ZBP1: variants seen among roughly 807,000 people sequenced by gnomAD.
The protein encoded by ZBP1 is Z-DNA binding protein 1, also known as Z-DNA-binding protein 1.
In ZBP1, 42 loss-of-function variants were observed where a neutral mutation model predicts 41.1. The ratio of observed to expected loss-of-function variants is 1.02; its 90% CI spans 0.80 to 1.32. The LOEUF (loss-of-function observed/expected upper bound fraction) is 1.32. ZBP1 is among the 40% of genes most tolerant of loss of function. The probability of loss-of-function intolerance (pLI) is 0.00; values close to 1 mark genes in which losing one functional copy is unlikely to be tolerated. For synonymous variants in ZBP1, 214 were observed against 205.2 expected (o/e 1.04, Z -0.37); for missense variants, 562 against 549.7 (o/e 1.02, Z -0.22).
At position 57,611,717 on chromosome 20, in the gene ZBP1, T is replaced by C. The variant is rs1245117798; in HGVS notation, c.874+10A>G. 9 of 1,603,934 alleles carry C rather than the reference T, an allele frequency of 5.6e-6. No homozygotes were observed. The highest frequency in any genetic ancestry group is 1.7e-5 in the Admixed American group (1 of 58,862). ...GGCAGAGTTGGGTCTGGCCTCTAGA[T>C]CCCAGTTACCTGGGGGGCTGCCAGG... On this transcript the variant is annotated intron_variant, in intron 6 of 7. Transcript: ENST00000371173.
In ZBP1 at chr20:57,613,727, G is replaced by T. The variant is rs1226392470; in HGVS notation, c.503-397C>A. Among the ~76,000 whole-genome samples, 1 of 152,224 alleles carries T rather than the reference G, an allele frequency of 6.6e-6. No homozygotes were observed. The highest frequency in any genetic ancestry group is 2.1e-4 in the South Asian group (1 of 4,834). ...AAACAGCAGCCCATTGGGCCAGATC[G>T]GTCGTGTTTGGCTCCCATGACATTT... is the stretch of plus-strand genomic sequence containing the variant. On this transcript the variant is annotated intron_variant, in intron 4 of 7. Coordinates refer to ENST00000371173, the MANE Select transcript of ZBP1 (RefSeq NM_030776.3). This position sits in a 1 kb window ranked among gnomAD's most constrained non-coding sequence, Gnocchi z 4.5.
chr20:57,610,695 A>G lies in ZBP1; in HGVS notation c.875-328T>C. ...TGCCTGCTTCCCACTGCACTGGAAC[A>G]CTGGCCCCCACTTTTGGTTGAAATC... On this transcript the variant is annotated intron_variant, in intron 6 of 7. Coordinates refer to ENST00000371173, the MANE Select transcript of ZBP1 (RefSeq NM_030776.3). This position sits in a 1 kb window ranked among gnomAD's most constrained non-coding sequence, Gnocchi z 5.5. 5.1e-6 allele frequency: 2 copies of G among 394,712 alleles called. No individual in the cohort carries two copies. The highest frequency in any genetic ancestry group is 5.7e-5 in the South Asian group (2 of 34,844). 24.5% of individuals were successfully genotyped at this position (394,712 alleles called of 1,614,324 possible). A position where few individuals can be genotyped will look rare whatever the true frequency, so the allele number is the denominator to read the frequency against.
Position 57,615,032 on chromosome 20 carries a change from G to T in ZBP1, c.357C>A (p.Asp119Glu), listed in dbSNP as rs375070397. 74 of 1,614,098 alleles carry T rather than the reference G, an allele frequency of 4.6e-5. No individual in the cohort carries two copies. Among genetic ancestry groups the T allele is most frequent in the Admixed American group, 3.3e-5 (2 of 60,006 alleles). Residue 119 changes from aspartate (D) to glutamate (E), a missense_variant, in exon 4 of 8, where the codon GAC becomes GAA. Asp to Glu is a conservative substitution (Grantham distance 45). Transcript: ENST00000371173. ...REEDIYRFLK[D>E]NGPQRALVIA... ...TGACCAGGGCCCTCTGGGGACCATT[G>T]TCTTTGAGAAACCTGTAGATGTCTT...
At chr20:57,611,480 C>T (rs908437360) in intron 6 of ZBP1, among the ~76,000 whole-genome samples, 3 of 129,150 alleles carry the variant, frequency 2.3e-5, no homozygotes, top group African/African-American at 8.6e-5. Context: ...TGGTCTCGAA[C>T]TCCTGACCTC....
intron 5 of ZBP1, 66 bp from the exon 6 acceptor site, chr20:57,611,996 C>T: frequency 6.7e-7 from 1 of 1,484,414 alleles, no homozygotes. Flanking sequence ...CCCTCACCAC[C>T]ACACGCAGGC....
chr20:57,619,985 C>T (rs2070959737), intron 1 of ZBP1, among the ~76,000 whole-genome samples: 3 of 152,132 alleles, frequency 2.0e-5, no homozygotes, highest in African/African-American at 4.8e-5. Flanking sequence ...CACAGGCATG[C>T]GCCACCATGC....
At chr20:57,609,109 C>G (rs2070577525) in intron 7 of ZBP1, among the ~76,000 whole-genome samples, 1 of 152,220 alleles carries the variant, frequency 6.6e-6, no homozygotes, top group East Asian at 1.9e-4. Context: ...AGGTCACCCT[C>G]AAACCCCTGT....
intron 1 of ZBP1, 64 bp from the exon 2 acceptor site, chr20:57,616,532 A>G (rs888106275): frequency 1.3e-6 from 2 of 1,581,608 alleles, no homozygotes; most frequent in Non-Finnish European, 1.7e-6. Context: ...AGTTGAGCCC[A>G]GGCTGGAGGC....
rs757706761 is a variant in ZBP1, at chr20:57,607,180, A to G, written c.1094-2411T>C. The G allele has an allele frequency of 1.3e-5, 17 of 1,304,096 alleles. No individual in the cohort carries two copies. The South Asian group carries it at 1.7e-4, about 13-fold the overall frequency. 80.8% of individuals were successfully genotyped at this position (1,304,096 alleles called of 1,614,324 possible). A position where few individuals can be genotyped will look rare whatever the true frequency, so the allele number is the denominator to read the frequency against. On this transcript the variant is annotated intron_variant, in intron 7 of 7. Transcript: ENST00000371173. ...AAAGATCACCAATCTACATGCCGTT[A>G]AGAACATTTGTGATTCATGGGAGGA...
At chr20:57,618,740 C>T (rs1369869597) in intron 1 of ZBP1, among the ~76,000 whole-genome samples, 1 of 152,214 alleles carries the variant, frequency 6.6e-6, no homozygotes, top group African/African-American at 2.4e-5. Flanking sequence ...CACCACTACA[C>T]CCGGCTGATT....
rs555213256 is a variant in ZBP1, at chr20:57,612,422, C to T, written c.671-492G>A. 5.5e-4 allele frequency among the ~76,000 whole-genome samples: 84 copies of T among 152,124 alleles called. 1 individual carries two copies. The highest frequency in any genetic ancestry group is 1.1e-3 in the Non-Finnish European group (75 of 68,034). On this transcript the variant is annotated intron_variant, in intron 5 of 7. Transcript: ENST00000371173. Reference sequence around the variant, plus strand: ...TTAAATAATCAGACATGGGTATGGCCAGAATCAGGAAGGTGGGGCTCAGAA... The same window carrying T: ...TTAAATAATCAGACATGGGTATGGCTAGAATCAGGAAGGTGGGGCTCAGAA...
At position 57,604,476 on chromosome 20, in the gene ZBP1, T is replaced by C; in HGVS notation, c.*97A>G. The C allele has an allele frequency of 6.8e-7, 1 of 1,477,944 alleles. No homozygotes were observed. Among genetic ancestry groups the C allele is most frequent in the Non-Finnish European group, 9.4e-7 (1 of 1,060,164 alleles). 91.6% of individuals were successfully genotyped at this position (1,477,944 alleles called of 1,614,324 possible). Reference sequence around the variant, plus strand: ...CAGGTTATGTCTGGAAGCAAGCAGGTCAAACAAGACGCTAAGGAATGCAGA... The same window carrying C: ...CAGGTTATGTCTGGAAGCAAGCAGGCCAAACAAGACGCTAAGGAATGCAGA... On this transcript the variant is annotated 3_prime_UTR_variant, in exon 8 of 8. Transcript: ENST00000371173.
chr20:57,607,068 C>A, intron 7 of ZBP1: 4 of 1,300,560 alleles, frequency 3.1e-6, no homozygotes, highest in Non-Finnish European at 4.1e-6. Flanking sequence ...TCTTATTCTT[C>A]AATAAATATA....
chr20:57,613,029 G>C lies in ZBP1; in HGVS notation c.670+134C>G. 1 of 1,515,776 alleles carries C rather than the reference G, an allele frequency of 6.6e-7. No individual in the cohort carries two copies. Among genetic ancestry groups the C allele is most frequent in the Non-Finnish European group, 8.8e-7 (1 of 1,131,878 alleles). 93.9% of individuals were successfully genotyped at this position (1,515,776 alleles called of 1,614,324 possible). A position where few individuals can be genotyped will look rare whatever the true frequency, so the allele number is the denominator to read the frequency against. On this transcript the variant is annotated intron_variant, in intron 5 of 7. Coordinates refer to ENST00000371173, the MANE Select transcript of ZBP1 (RefSeq NM_030776.3). This position sits in a 1 kb window ranked among gnomAD's most constrained non-coding sequence, Gnocchi z 4.5. ...CAGGACGGCCGTAAAGGTGGACTGTGGGGGTCTGGAAGCAACCCTTTCCCC... is the reference window on the plus strand; with the variant it reads ...CAGGACGGCCGTAAAGGTGGACTGTCGGGGTCTGGAAGCAACCCTTTCCCC...
In ZBP1 at chr20:57,610,223, A is replaced by G. The variant is rs777670885; in HGVS notation, c.1019T>C (p.Met340Thr). The G allele has an allele frequency of 7.4e-6, 12 of 1,613,916 alleles. No homozygotes were observed. Among genetic ancestry groups the G allele is most frequent in the Non-Finnish European group, 9.3e-6 (11 of 1,180,008 alleles). ...EDATIGNSNK[M>T]SISPGVAGPG... ...GCCAGCCACCCCTGGGCTGATAGAC[A>G]TTTTGTTGCTGTTGCCGATGGTGGC... Residue 340 changes from methionine to threonine, a missense_variant, in exon 7 of 8, where the codon ATG becomes ACG. Physicochemically the swap from Met to Thr is moderately conservative, Grantham distance 81. Transcript: ENST00000371173. The surrounding 1 kb of genome is among the most constrained non-coding windows in gnomAD (Gnocchi z 5.5).
chr20:57,614,831 A>G, intron 4 of ZBP1, 56 bp downstream of exon 4: 1 of 1,599,266 alleles, frequency 6.3e-7, no homozygotes, highest in Non-Finnish European at 8.5e-7. Flanking sequence ...GCAAAGACCA[A>G]GCACTAGTGT....
chr20:57,618,763 G>A (rs907127626), intron 1 of ZBP1, among the ~76,000 whole-genome samples: 9 of 152,180 alleles, frequency 5.9e-5, no homozygotes, highest in African/African-American at 2.2e-4. Context: ...TGTATTTTTA[G>A]TAGAGACAGG....
chr20:57,613,582 C>T lies in ZBP1; in HGVS notation c.503-252G>A, dbSNP rs919076541. ...TCTTTTGCTGCCTCCATGGCTGGGC[C>T]GCCATGATTGCTGGCTGGGAGGACC... On this transcript the variant is annotated intron_variant, in intron 4 of 7. Coordinates refer to ENST00000371173, the MANE Select transcript of ZBP1 (RefSeq NM_030776.3). The surrounding 1 kb of genome is among the most constrained non-coding windows in gnomAD (Gnocchi z 4.5). Among the ~76,000 whole-genome samples the T allele has an allele frequency of 3.9e-5, 6 of 152,264 alleles. No individual in the cohort carries two copies. Among genetic ancestry groups the T allele is most frequent in the East Asian group, 3.9e-4 (2 of 5,180 alleles).
In ZBP1 at chr20:57,613,070, C is replaced by T. The variant is rs542180464; in HGVS notation, c.670+93G>A. 3.2e-5 allele frequency: 50 copies of T among 1,563,468 alleles called. No homozygotes were observed. Among genetic ancestry groups the T allele is most frequent in the Admixed American group, 1.7e-4 (9 of 52,470 alleles). ...CCCTTTCCCCTTGGAGGGCAGAATC[C>T]CCCCACTCCCCATCCCTACCCTTTG... On this transcript the variant is annotated intron_variant, in intron 5 of 7. Transcript: ENST00000371173. This position sits in a 1 kb window ranked among gnomAD's most constrained non-coding sequence, Gnocchi z 4.5.
Sources: allele counts gnomAD v4.1 joint callset (sites outside exome capture counted in the v4.1 genomes callset), GRCh38; gene constraint gnomAD v4.1.1; non-coding constraint Gnocchi (gnomAD v3.1); transcripts MANE v1.5; gene names NCBI Gene and HGNC (gene_info 2026-07-23, HGNC 2026-07-21).